Variants in NBPF26 observed in about 807,000 individuals in gnomAD.
The protein encoded by NBPF26 is NBPF member 26.
Under a neutral mutation model 119.6 loss-of-function variants are expected in NBPF26, and 79 were observed. That is an observed-to-expected ratio of 0.66 (90% CI 0.55 to 0.80). NBPF26 has a LOEUF of 0.80. Among genes scored for constraint, NBPF26 ranks in the 30% least tolerant of loss-of-function variants. NBPF26 has a pLI of 0.00. For missense variants in NBPF26, 800 were observed against 1,198.2 expected (o/e 0.67, Z 4.91); for synonymous variants, 299 against 457.7 (o/e 0.65, Z 4.43).
In NBPF26 at chr1:120,803,381, CA is replaced by C. The variant is rs1452656178; in HGVS notation, c.752-2174del. Among the ~76,000 whole-genome samples the C allele has an allele frequency of 4.6e-5, 6 of 129,128 alleles. 1 individual carries two copies. Among genetic ancestry groups the C allele is most frequent in the African/African-American group, 1.8e-4 (5 of 28,482 alleles). The allele number at this position is 129,128 out of a possible 152,430, so 84.7% of individuals were successfully genotyped here. On this transcript the variant is annotated intron_variant, in intron 4 of 29. Coordinates refer to ENST00000620612, the Ensembl canonical transcript of NBPF26. ...GTATTCCATAGAAGAGTGAATTAAACACAGCCAAGGGAAGACCCATGTCTCA... is the reference window on the plus strand; with the variant it reads ...GTATTCCATAGAAGAGTGAATTAAACCAGCCAAGGGAAGACCCATGTCTCA...
intron 10 of NBPF26, among the ~76,000 whole-genome samples, chr1:120,813,530 T>C (rs1266024244): frequency 1.6e-5 from 2 of 127,470 alleles, no homozygotes; most frequent in African/African-American, 3.6e-5. Flanking sequence ...GTACAAGAAA[T>C]CACTACTTCA....
rs1233106469 is a variant in NBPF26, at chr1:120,811,434, G to A, written c.1565-452G>A. ...TTACTTGGCGCTTGTAATCCCAGATGCTTGGCAGGCTGAGGGATGAGAATC... is the reference window on the plus strand; with the variant it reads ...TTACTTGGCGCTTGTAATCCCAGATACTTGGCAGGCTGAGGGATGAGAATC... On this transcript the variant is annotated intron_variant, in intron 9 of 29. Transcript: ENST00000620612. Among the ~76,000 whole-genome samples, 249 of 111,242 alleles carry A rather than the reference G, an allele frequency of 2.2e-3. 61 individuals carry two copies. Among genetic ancestry groups the A allele is most frequent in the Non-Finnish European group, 3.2e-3 (186 of 57,470 alleles). 73.0% of individuals were successfully genotyped at this position (111,242 alleles called of 152,430 possible).
At chr1:120,810,597 G>A in intron 9 of NBPF26, 39 bp downstream of exon 9, 2 of 1,360,638 alleles carry the variant, frequency 1.5e-6, no homozygotes, top group Non-Finnish European at 2.0e-6. Context: ...CCTCTGTCTA[G>A]GCTATGGAAG....
chr1:120,765,395 T>C (rs1290125526), intron 2 of NBPF26, among the ~76,000 whole-genome samples: 1 of 63,526 alleles, frequency 1.6e-5, no homozygotes, highest in East Asian at 2.9e-4. Flanking sequence ...TGTGAGGTCT[T>C]AGTCTTATGC....
At chr1:120,840,636 A>G, downstream of NBPF26, 1 of 1,450,352 alleles carries the variant, frequency 6.9e-7, no homozygotes. Context: ...TGCAGGCAGG[A>G]CCTATAGGCA....
At chr1:120,748,161 C>T (rs1650994734) in intron 1 of NBPF26, among the ~76,000 whole-genome samples, 1 of 27,258 alleles carries the variant, frequency 3.7e-5, no homozygotes, top group Non-Finnish European at 5.9e-5. Context: ...CCTTAACTAG[C>T]AAGTAAGCTA....
Position 120,781,848 on chromosome 1 carries a change from G to A in NBPF26, c.156-3126G>A, listed in dbSNP as rs1318327496. 3.9e-3 allele frequency among the ~76,000 whole-genome samples: 455 copies of A among 117,600 alleles called. 100 individuals are homozygous for A. Among genetic ancestry groups the A allele is most frequent in the Admixed American group, 7.7e-3 (94 of 12,210 alleles). 77.2% of individuals were successfully genotyped at this position (117,600 alleles called of 152,430 possible). ...GCTGAGATTACTGGTGTGAGCCACC[G>A]CACCTGGCTTAGCTGTAAAATCTTA... On this transcript the variant is annotated intron_variant, in intron 2 of 29. Coordinates refer to ENST00000620612, the Ensembl canonical transcript of NBPF26.
intron 2 of NBPF26, among the ~76,000 whole-genome samples, chr1:120,782,354 GTTTAA>G (rs1440105996): frequency 8.0e-6 from 1 of 124,840 alleles, no homozygotes; most frequent in Non-Finnish European, 1.7e-5. Context: ...CTTTTAAAGT[GTTTAA>G]TTTAGTAGAC....
At position 120,819,089 on chromosome 1, in the gene NBPF26, T is replaced by G. The variant is rs1349887041; in HGVS notation, c.2423+915T>G. Among the ~76,000 whole-genome samples, 8 of 125,090 alleles carry G rather than the reference T, an allele frequency of 6.4e-5. 3 individuals carry two copies. The highest frequency in any genetic ancestry group is 1.3e-4 in the Non-Finnish European group (8 of 61,250). The allele number at this position is 125,090 out of a possible 152,430, so 82.1% of individuals were successfully genotyped here. ...ATATTGACAGTGGGGTGTTAAAGTC[T>G]CCCATGATGATTTTGTGGAGTCTAA... On this transcript the variant is annotated intron_variant, in intron 15 of 29. Transcript: ENST00000620612.
Position 120,733,113 on chromosome 1 carries a change from T to TA in NBPF26, c.73+8863_73+8864insA, listed in dbSNP as rs1650881354. ...ATTTAGAAAAGCTGTTGATTTATTT[T>TA]TATATATATATATATATATGTTTAG... On this transcript the variant is annotated intron_variant, in intron 1 of 29. Transcript: ENST00000620612. 6.1e-4 allele frequency among the ~76,000 whole-genome samples: 52 copies of TA among 85,056 alleles called. 8 individuals are homozygous for TA. The highest frequency in any genetic ancestry group is 5.2e-3 in the Admixed American group (43 of 8,328). 55.8% of individuals were successfully genotyped at this position (85,056 alleles called of 152,430 possible). A position where few individuals can be genotyped will look rare whatever the true frequency, so the allele number is the denominator to read the frequency against.
At position 120,823,376 on chromosome 1, in the gene NBPF26, T is replaced by G. The variant is rs1553272267; in HGVS notation, c.2639+16T>G. 0.032 allele frequency: 42,651 copies of G among 1,313,808 alleles called. 7,742 individuals carry two copies. The highest frequency in any genetic ancestry group is 0.13 in the African/African-American group (4,569 of 36,294). 81.4% of individuals were successfully genotyped at this position (1,313,808 alleles called of 1,614,324 possible). A position where few individuals can be genotyped will look rare whatever the true frequency, so the allele number is the denominator to read the frequency against. ...CAGGTCCCAGGTGAGTCTGAGAAAT[T>G]GTGGACAGTTAATTTGATGTTGACA... On this transcript the variant is annotated intron_variant, in intron 17 of 29. Coordinates refer to ENST00000620612, the Ensembl canonical transcript of NBPF26.
At position 120,804,751 on chromosome 1, in the gene NBPF26, A is replaced by G. The variant is rs1164632821; in HGVS notation, c.752-805A>G. Among the ~76,000 whole-genome samples the G allele has an allele frequency of 5.1e-5, 6 of 117,208 alleles. 3 individuals carry two copies. The highest frequency in any genetic ancestry group is 6.6e-5 in the Non-Finnish European group (4 of 60,750). The allele number at this position is 117,208 out of a possible 152,430, so 76.9% of individuals were successfully genotyped here. On this transcript the variant is annotated intron_variant, in intron 4 of 29. Transcript: ENST00000620612. ...GGATGTCAAACTGGTCTAGAATGTA[A>G]TGAAAACCCAAGAAGGTGCCCCAGT...
At position 120,823,005 on chromosome 1, in the gene NBPF26, T is replaced by A. The variant is rs1279773685; in HGVS notation, c.2588-304T>A. Among the ~76,000 whole-genome samples, 2 of 124,862 alleles carry A rather than the reference T, an allele frequency of 1.6e-5. 1 individual carries two copies. The highest frequency in any genetic ancestry group is 3.3e-5 in the Non-Finnish European group (2 of 61,318). 81.9% of individuals were successfully genotyped at this position (124,862 alleles called of 152,430 possible). On this transcript the variant is annotated intron_variant, in intron 16 of 29. Transcript: ENST00000620612. ...ATATTGAAGTATCTCTCCTATGAGGTGTTAGAACTATTTGCCTACAATTTA... is the reference window on the plus strand; with the variant it reads ...ATATTGAAGTATCTCTCCTATGAGGAGTTAGAACTATTTGCCTACAATTTA...
intron 3 of NBPF26, among the ~76,000 whole-genome samples, chr1:120,790,412 C>T (rs1651474051): frequency 8.7e-6 from 1 of 115,586 alleles, no homozygotes; most frequent in Non-Finnish European, 1.6e-5. Context: ...TAGCACTATA[C>T]CTCAGTCAGC....
At position 120,807,330 on chromosome 1, in the gene NBPF26, A is replaced by T. The variant is rs1217547090; in HGVS notation, c.962-277A>T. 1.6e-5 allele frequency among the ~76,000 whole-genome samples: 2 copies of T among 125,246 alleles called. 1 individual carries two copies. Among genetic ancestry groups the T allele is most frequent in the African/African-American group, 7.7e-5 (2 of 25,926 alleles). 82.2% of individuals were successfully genotyped at this position (125,246 alleles called of 152,430 possible). On this transcript the variant is annotated intron_variant, in intron 5 of 29. Transcript: ENST00000620612. ...GGCCCCGCATTCAGAGTCAGACCTC[A>T]GGGACTGTGAGTTCTGACTCCACTT... is the stretch of plus-strand genomic sequence containing the variant.
In NBPF26 at chr1:120,794,209, A is replaced by T; in HGVS notation, c.751+713A>T. On this transcript the variant is annotated intron_variant, in intron 4 of 29. Coordinates refer to ENST00000620612, the Ensembl canonical transcript of NBPF26. The stretch of plus-strand genomic sequence containing the variant: ...ACAAGTGTTGTAGAGTGCACACACA[A>T]CCCAAAGATAGAAATAAAAAGAGGA... Among the ~76,000 whole-genome samples, 3 of 116,084 alleles carry T rather than the reference A, an allele frequency of 2.6e-5. 1 individual carries two copies. Among genetic ancestry groups the T allele is most frequent in the Non-Finnish European group, 3.3e-5 (2 of 60,694 alleles). The allele number at this position is 116,084 out of a possible 152,430, so 76.2% of individuals were successfully genotyped here.
intron 15 of NBPF26, among the ~76,000 whole-genome samples, chr1:120,818,784 T>C (rs1385440714): frequency 8.3e-6 from 1 of 119,950 alleles, no homozygotes; most frequent in Admixed American, 8.2e-5. Context: ...TCCATGTAGT[T>C]GTGCGGTTTT....
Position 120,818,467 on chromosome 1 carries a change from T to G in NBPF26, c.2423+293T>G, listed in dbSNP as rs1652058368. Among the ~76,000 whole-genome samples, 2 of 123,176 alleles carry G rather than the reference T, an allele frequency of 1.6e-5. 1 individual carries two copies. The highest frequency in any genetic ancestry group is 7.9e-5 in the African/African-American group (2 of 25,214). 80.8% of individuals were successfully genotyped at this position (123,176 alleles called of 152,430 possible). A position where few individuals can be genotyped will look rare whatever the true frequency, so the allele number is the denominator to read the frequency against. ...ATTCATTGATTTTTTGAAGGGTTTT[T>G]TGTGTCTCTCTCTCCTTTAGTTCTG... On this transcript the variant is annotated intron_variant, in intron 15 of 29. Coordinates refer to ENST00000620612, the Ensembl canonical transcript of NBPF26.
rs1416598074 is a variant in NBPF26, at chr1:120,811,300, C to A, written c.1565-586C>A. ...GCTGGCTCACATCTTAATCCCAACA[C>A]TTTGGGAGGCCGAGGTGGGCGGAAC... is the stretch of plus-strand genomic sequence containing the variant. On this transcript the variant is annotated intron_variant, in intron 9 of 29. Transcript: ENST00000620612. 5.5e-5 allele frequency among the ~76,000 whole-genome samples: 6 copies of A among 109,094 alleles called. 1 individual carries two copies. Among genetic ancestry groups the A allele is most frequent in the Non-Finnish European group, 8.8e-5 (5 of 56,724 alleles). The allele number at this position is 109,094 out of a possible 152,430, so 71.6% of individuals were successfully genotyped here.
Sources: gnomAD v4.1 joint callset for allele counts (sites outside exome capture counted in the v4.1 genomes callset) on GRCh38, gnomAD v4.1.1 for gene constraint, MANE v1.5 for transcripts, NCBI Gene and HGNC (gene_info 2026-07-23, HGNC 2026-07-21) for gene names.